Variants in RIMS2 observed in about 807,000 individuals in gnomAD.
The protein encoded by RIMS2 is regulating synaptic membrane exocytosis protein 2.
In RIMS2, 59 loss-of-function variants were observed where a neutral mutation model predicts 174.4. The ratio of observed to expected loss-of-function variants is 0.34; its 90% CI spans 0.27 to 0.42. The LOEUF is 0.42. RIMS2 is among the 10% of genes least tolerant of loss of function. RIMS2 has a pLI of 1.00. For missense variants in RIMS2, 1,620 were observed against 1,666.3 expected, an observed-to-expected ratio of 0.97 and a Z score of 0.48; for synonymous variants, 606 against 572.5, an observed-to-expected ratio of 1.06 and a Z score of -0.84.
In RIMS2 at chr8:103,819,686, T is replaced by C. The variant is rs975329430; in HGVS notation, c.698+53149T>C. The C allele has an allele frequency of 7.3e-6, 10 of 1,373,520 alleles. No individual in the cohort carries two copies. In the Admixed American group the frequency reaches 1.0e-4, roughly 14 times the overall value. The allele number at this position is 1,373,520 out of a possible 1,614,324, so 85.1% of individuals were successfully genotyped here. On this transcript the variant is annotated intron_variant, in intron 3 of 23. Transcript: ENST00000504942. ...TATTGTTATTTTCAGAATAATCTTA[T>C]ATGCCAGTAAAAATTGTTTTGTATT...
At chr8:103,647,442 A>G (rs1357237590) in intron 1 of RIMS2, among the ~76,000 whole-genome samples, 1 of 152,156 alleles carries the variant, frequency 6.6e-6, no homozygotes, top group Admixed American at 6.5e-5. Flanking sequence ...ACCTCATAGA[A>G]TGAGTTAGAG....
At chr8:104,117,818 A>G (rs2098303468) in intron 19 of RIMS2, among the ~76,000 whole-genome samples, 1 of 152,228 alleles carries the variant, frequency 6.6e-6, no homozygotes, top group South Asian at 2.1e-4. Flanking sequence ...TAGTTCTGAC[A>G]TGATATCTAC....
rs960249060 is a variant in RIMS2 at position 103,626,464 on chromosome 8, G to A, written c.177-70622G>A. On this transcript the variant is annotated intron_variant, in intron 1 of 23. Transcript: ENST00000504942. ...CAGACTAACTGCAAAAATATGAACAGCAAACAATTATTACAATAATGTAAT... is the reference window on the plus strand; with the variant it reads ...CAGACTAACTGCAAAAATATGAACAACAAACAATTATTACAATAATGTAAT... 1.3e-4 allele frequency among the ~76,000 whole-genome samples: 20 copies of A among 152,076 alleles called. 2 individuals carry two copies. The highest frequency in any genetic ancestry group is 1.1e-3 in the Admixed American group (17 of 15,300).
intron 19 of RIMS2, among the ~76,000 whole-genome samples, chr8:104,113,343 G>A (rs2098225291): frequency 6.6e-6 from 1 of 152,064 alleles, no homozygotes; most frequent in African/African-American, 2.4e-5. Flanking sequence ...TTGAACAGTT[G>A]AGAGCCCTCT....
intron 1 of RIMS2, among the ~76,000 whole-genome samples, chr8:103,584,836 G>A (rs1281320186): frequency 2.0e-5 from 3 of 152,106 alleles, no homozygotes; most frequent in Admixed American, 2.0e-4. Flanking sequence ...GAAGATCACA[G>A]ACAACCAGAC....
intron 15 of RIMS2, among the ~76,000 whole-genome samples, chr8:103,966,496 A>T (rs1363652342): frequency 1.3e-5 from 2 of 151,944 alleles, no homozygotes; most frequent in African/African-American, 4.8e-5. Flanking sequence ...GATATTAGTA[A>T]TTTTTATACC....
chr8:103,765,677 A>G (rs2098163458), intron 2 of RIMS2, among the ~76,000 whole-genome samples: 1 of 152,126 alleles, frequency 6.6e-6, no homozygotes, highest in Admixed American at 6.5e-5. Context: ...TTGCGGTTAG[A>G]ATGTTAACCT....
chr8:103,518,675 G>T (rs1830180483), intron 1 of RIMS2, among the ~76,000 whole-genome samples: 1 of 151,886 alleles, frequency 6.6e-6, no homozygotes, highest in East Asian at 1.9e-4. Flanking sequence ...TATCTTATTG[G>T]CATATTTGAT....
intron 17 of RIMS2, among the ~76,000 whole-genome samples, chr8:103,989,694 A>G (rs1029439510): frequency 2.0e-5 from 3 of 152,186 alleles, no homozygotes; most frequent in African/African-American, 7.2e-5. Flanking sequence ...GTGAATCTGT[A>G]TAAGTGATTA....
At chr8:103,926,572 T>C (rs2078831890) in intron 10 of RIMS2, among the ~76,000 whole-genome samples, 1 of 151,562 alleles carries the variant, frequency 6.6e-6, no homozygotes, top group Admixed American at 6.6e-5. Context: ...AATAAACGTG[T>C]CTGTTCAATG....
chr8:103,538,655 T>A (rs998925792), intron 1 of RIMS2, among the ~76,000 whole-genome samples: 8 of 152,220 alleles, frequency 5.3e-5, no homozygotes, highest in African/African-American at 1.9e-4. Flanking sequence ...TAGCTGGGAC[T>A]GCAGGCACCC....
At chr8:103,552,975 G>C (rs1659521386) in intron 1 of RIMS2, among the ~76,000 whole-genome samples, 1 of 152,172 alleles carries the variant, frequency 6.6e-6, no homozygotes, top group Admixed American at 6.5e-5. Flanking sequence ...TGGAGAAATA[G>C]GAACACTTTT....
chr8:103,786,826 T>C (rs2098448181), intron 3 of RIMS2, among the ~76,000 whole-genome samples: 1 of 152,164 alleles, frequency 6.6e-6, no homozygotes, highest in Non-Finnish European at 1.5e-5. Flanking sequence ...TGGGTATCCT[T>C]TTTGACTTTC....
At chr8:103,824,974 C>T (rs1256513062) in intron 3 of RIMS2, among the ~76,000 whole-genome samples, 1 of 152,178 alleles carries the variant, frequency 6.6e-6, no homozygotes, top group Non-Finnish European at 1.5e-5. Flanking sequence ...TAGTATTGAA[C>T]ATAGAAGTCG....
At chr8:104,190,983 G>A (rs1342825320) in intron 19 of RIMS2, among the ~76,000 whole-genome samples, 1 of 151,048 alleles carries the variant, frequency 6.6e-6, no homozygotes, top group African/African-American at 2.4e-5. Flanking sequence ...GTGGGAAGCA[G>A]TAGACAGAGG....
chr8:104,041,650 A>G lies in RIMS2; in HGVS notation c.3334+27035A>G, dbSNP rs533760964. On this transcript the variant is annotated intron_variant, in intron 19 of 23. Transcript: ENST00000504942. Reference sequence around the variant, plus strand: ...AGGATGTGTATGTATGCGTATGTATATTTAGGTACACACACACACATATGT... The same window carrying G: ...AGGATGTGTATGTATGCGTATGTATGTTTAGGTACACACACACACATATGT... 2.6e-4 allele frequency among the ~76,000 whole-genome samples: 39 copies of G among 151,760 alleles called. No homozygotes were observed. In the Middle Eastern group the frequency reaches 0.014, roughly 53 times the overall value.
intron 19 of RIMS2, among the ~76,000 whole-genome samples, chr8:104,048,693 A>G (rs2096734604): frequency 6.6e-6 from 1 of 151,842 alleles, no homozygotes; most frequent in Non-Finnish European, 1.5e-5. Flanking sequence ...AGCCATTTAA[A>G]TGAAGAATTT....
intron 19 of RIMS2, among the ~76,000 whole-genome samples, chr8:104,059,769 T>G (rs1265127802): frequency 6.6e-6 from 1 of 152,068 alleles, no homozygotes; most frequent in Non-Finnish European, 1.5e-5. Flanking sequence ...ATTGAGAGTT[T>G]TTAGCATGAA....
intron 17 of RIMS2, among the ~76,000 whole-genome samples, chr8:103,997,420 T>C (rs755281300): frequency 6.6e-6 from 1 of 151,852 alleles, no homozygotes; most frequent in Non-Finnish European, 1.5e-5. Flanking sequence ...CAAGGTTCAT[T>C]TCCATTGTTT....
Sources: allele counts gnomAD v4.1 joint callset (sites outside exome capture counted in the v4.1 genomes callset), GRCh38; gene constraint gnomAD v4.1.1; transcripts MANE v1.5; gene names NCBI Gene and HGNC (gene_info 2026-07-23, HGNC 2026-07-21).